The following DENND10 variants were observed in gnomAD, a reference collection of about 807,000 sequenced individuals.
The protein encoded by DENND10 is DENN domain-containing protein 10.
A neutral mutation model predicts 43.6 loss-of-function variants in DENND10; 24 were observed. That is an observed-to-expected ratio of 0.55 (90% CI 0.40 to 0.77). The LOEUF (loss-of-function observed/expected upper bound fraction) is 0.77. Among genes scored for constraint, DENND10 ranks in the 30% least tolerant of loss-of-function variants. DENND10 has a pLI of 0.00. For missense variants in DENND10, 303 were observed against 429.9 expected (o/e 0.70, Z 2.61); for synonymous variants, 125 against 157.6 (o/e 0.79, Z 1.55).
At chr10:119,125,501 C>CTTTTTTTTTTTTTTTTT (rs34630434) in intron 6 of DENND10, among the ~76,000 whole-genome samples, 2 of 65,848 alleles carry the variant, frequency 3.0e-5, no homozygotes, top group Non-Finnish European at 2.8e-5. Flanking sequence ...TTCTAGTTTT[C>CTTTTTTTTTTTTTTTTT]TTTTTTTTTT....
chr10:119,105,294 CT>C (rs749653382), intron 1 of DENND10: 773 of 143,860 alleles, frequency 5.4e-3, no homozygotes, highest in South Asian at 0.017. Context: ...TGTCTTTCTT[CT>C]TTTTTTTTTT....
At chr10:119,109,440 A>AT (rs1044034723) in intron 2 of DENND10, among the ~76,000 whole-genome samples, 12 of 152,164 alleles carry the variant, frequency 7.9e-5, no homozygotes, top group South Asian at 2.1e-4. Context: ...CCAAACAGAG[A>AT]TTTTTTCCCG....
At chr10:119,105,544 C>A in intron 1 of DENND10, 1 of 1,147,984 alleles carries the variant, frequency 8.7e-7, no homozygotes, top group Non-Finnish European at 1.1e-6. Flanking sequence ...TGCTTCAAAA[C>A]AAAACCTAAG....
At chr10:119,111,148 T>C (rs1390574842) in intron 2 of DENND10, among the ~76,000 whole-genome samples, 1 of 150,906 alleles carries the variant, frequency 6.6e-6, no homozygotes, top group African/African-American at 2.4e-5. Flanking sequence ...TAATCCCAGC[T>C]ACTTGGGAGC....
At chr10:119,113,304 C>T (rs1157482321) in intron 3 of DENND10, among the ~76,000 whole-genome samples, 7 of 151,574 alleles carry the variant, frequency 4.6e-5, no homozygotes, top group African/African-American at 1.5e-4. Flanking sequence ...GTCCTCTCAC[C>T]TCAGCCTCCC....
At chr10:119,120,989 A>T (rs1845547478) in intron 5 of DENND10, among the ~76,000 whole-genome samples, 1 of 151,680 alleles carries the variant, frequency 6.6e-6, no homozygotes, top group African/African-American at 2.4e-5. Context: ...TTTTATTTTC[A>T]TTTTTAGTAG....
chr10:119,128,505 G>A (rs1454708818), intron 6 of DENND10, among the ~76,000 whole-genome samples: 2 of 152,040 alleles, frequency 1.3e-5, no homozygotes, highest in African/African-American at 2.4e-5. Flanking sequence ...CTACTCAGGA[G>A]GCTGGGGCAG....
At chr10:119,126,744 C>T (rs536653854) in intron 6 of DENND10, among the ~76,000 whole-genome samples, 4 of 152,178 alleles carry the variant, frequency 2.6e-5, no homozygotes, top group East Asian at 3.9e-4. Context: ...GGATTACAGG[C>T]GTGAGCCACT....
In DENND10 at chr10:119,137,116, CG is replaced by C. The variant is rs1283956405; in HGVS notation, c.*471del. 1 of 158,142 alleles carries C rather than the reference CG, an allele frequency of 6.3e-6. No homozygotes were observed. Among genetic ancestry groups the C allele is most frequent in the African/African-American group, 2.6e-5 (1 of 37,914 alleles). 9.8% of individuals were successfully genotyped at this position (158,142 alleles called of 1,614,324 possible). On this transcript the variant is annotated 3_prime_UTR_variant, in exon 9 of 9. Coordinates refer to ENST00000361432, the MANE Select transcript of DENND10 (RefSeq NM_207009.4). ...TCTGAGCCAAACTGCTAATTTTCTG[CG>C]GAACTGTCTAGAAGATCATTCAAGA...
chr10:119,120,251 A>AAAAAAAG (rs1379858901), intron 4 of DENND10, 90 bp from the exon 5 acceptor site: 1 of 836,122 alleles, frequency 1.2e-6, no homozygotes, highest in Non-Finnish European at 1.9e-6. Flanking sequence ...CGGTCTCAAA[A>AAAAAAAG]AAAAAAGAAA....
intron 1 of DENND10, among the ~76,000 whole-genome samples, chr10:119,104,504 C>A (rs1465477609): frequency 6.6e-6 from 1 of 150,588 alleles, no homozygotes; most frequent in Non-Finnish European, 1.5e-5. Flanking sequence ...CCCGGCGGAG[C>A]CGGGACGTCG....
intron 6 of DENND10, among the ~76,000 whole-genome samples, chr10:119,124,650 T>C (rs1845746519): frequency 6.6e-6 from 1 of 152,120 alleles, no homozygotes; most frequent in African/African-American, 2.4e-5. Flanking sequence ...TCCCACACTG[T>C]TGGGATTACA....
rs148735714 is a variant in DENND10 at position 119,109,085 on chromosome 10, G to A, written c.252+921G>A. ...CAAAAAATTAGCCGGGCGTGGTGGC[G>A]CATGCCTGTAATCCCAGCTACTCGG... On this transcript the variant is annotated intron_variant, in intron 2 of 8. Coordinates refer to ENST00000361432, the MANE Select transcript of DENND10 (RefSeq NM_207009.4). Among the ~76,000 whole-genome samples, 725 of 151,446 alleles carry A rather than the reference G, an allele frequency of 4.8e-3. 29 individuals carry two copies. In the East Asian group the frequency reaches 0.11, roughly 23 times the overall value.
chr10:119,136,578 A>G lies in DENND10; in HGVS notation c.1005A>G (p.Lys335=), dbSNP rs1846371302. Residue 335 remains lysine (K), a synonymous_variant, in exon 9 of 9, where the codon AAA becomes AAG. Transcript: ENST00000361432. ...TTAATTTGGAGGCGCTAAAGCAAAA[A>G]CGATTTCCACCAGCAACAGAAAACT... ...RVLNLEALKQ[K]RFPPATENFL... 1 of 1,581,308 alleles carries G rather than the reference A, an allele frequency of 6.3e-7. No homozygotes were observed. Among genetic ancestry groups the G allele is most frequent in the Admixed American group, 1.9e-5 (1 of 51,374 alleles).
intron 3 of DENND10, among the ~76,000 whole-genome samples, chr10:119,112,493 C>CTTTTTTTTTTTTTTTTTTT (rs1353576739): frequency 2.2e-5 from 3 of 133,500 alleles, no homozygotes; most frequent in Non-Finnish European, 3.2e-5. Flanking sequence ...TTTTCTTTTT[C>CTTTTTTTTTTTTTTTTTTT]TTTTTTTTTT....
At position 119,105,767 on chromosome 10, in the gene DENND10, G is replaced by A. The variant is rs1844665801; in HGVS notation, c.55+1570G>A. 3.2e-5 allele frequency: 5 copies of A among 155,986 alleles called. No homozygotes were observed. The South Asian group carries it at 8.4e-4, about 26-fold the overall frequency. 9.7% of individuals were successfully genotyped at this position (155,986 alleles called of 1,614,324 possible). ...TCTACAAAAAATACAAAAATTAGCCGGGTGTGGTGTGCCTGTAGGTGGGAG... is the reference window on the plus strand; with the variant it reads ...TCTACAAAAAATACAAAAATTAGCCAGGTGTGGTGTGCCTGTAGGTGGGAG... On this transcript the variant is annotated intron_variant, in intron 1 of 8. Coordinates refer to ENST00000361432, the MANE Select transcript of DENND10 (RefSeq NM_207009.4).
In DENND10 at chr10:119,120,410, T is replaced by C. The variant is rs1341518623; in HGVS notation, c.551T>C (p.Val184Ala). ...GCACTGATGCTAAAGAAAAGAATTG[T>C]GGTGTATCACCCCAAGATAGAAGCG... The part of the protein sequence containing the change: ...HTALMLKKRI[V>A]VYHPKIEAVQ... The change falls in exon 5 of 9, where the codon GTG (valine) becomes GCG (alanine). Residue 184 changes from valine to alanine, a missense_variant. Physicochemically the swap from Val to Ala is moderately conservative, Grantham distance 64. Transcript: ENST00000361432. 3.7e-6 allele frequency: 6 copies of C among 1,612,376 alleles called. No homozygotes were observed. The highest frequency in any genetic ancestry group is 5.1e-6 in the Non-Finnish European group (6 of 1,178,500).
At chr10:119,129,652 G>T in intron 7 of DENND10, 30 bp downstream of exon 7, 1 of 1,472,692 alleles carries the variant, frequency 6.8e-7, no homozygotes, top group Non-Finnish European at 9.5e-7. Flanking sequence ...CTTGATACAA[G>T]ATATAAGCCA....
At chr10:119,111,105 AC>A (rs1564781443) in intron 2 of DENND10, among the ~76,000 whole-genome samples, 2 of 151,814 alleles carry the variant, frequency 1.3e-5, no homozygotes, top group Admixed American at 6.6e-5. Context: ...TACTGAAAAT[AC>A]AAAAAATTAG....
Sources: gnomAD v4.1 joint callset for allele counts (sites outside exome capture counted in the v4.1 genomes callset) on GRCh38, gnomAD v4.1.1 for gene constraint, MANE v1.5 for transcripts, NCBI Gene and HGNC (gene_info 2026-07-23, HGNC 2026-07-21) for gene names.